EPHB1: variants seen among roughly 807,000 people sequenced by gnomAD.
EPHB1 encodes ephrin type-B receptor 1.
EPHB1 carries 30 observed loss-of-function variants against 94.4 expected under a neutral mutation model. That is an observed-to-expected ratio of 0.32 (90% CI 0.24 to 0.43). The LOEUF (loss-of-function observed/expected upper bound fraction) is 0.43. Among genes scored for constraint, EPHB1 ranks in the 20% least tolerant of loss-of-function variants. The pLI, the probability that EPHB1 is intolerant of heterozygous loss-of-function variation, is 1.00. For synonymous variants in EPHB1, 522 were observed against 489.1 expected (o/e 1.07, Z -0.89); for missense variants, 1,055 against 1,308.3 (o/e 0.81, Z 2.99).
intron 13 of EPHB1, among the ~76,000 whole-genome samples, chr3:135,243,859 G>A (rs1943853083): frequency 6.6e-6 from 1 of 152,162 alleles, no homozygotes; most frequent in Non-Finnish European, 1.5e-5. Flanking sequence ...CAGAGATAAT[G>A]AGAGTGGCAG....
intron 15 of EPHB1, among the ~76,000 whole-genome samples, chr3:135,254,702 C>T (rs905484114): frequency 6.6e-5 from 10 of 151,992 alleles, no homozygotes; most frequent in African/African-American, 2.4e-4. Flanking sequence ...CTCTGCCTGG[C>T]TTTGGTATCA....
rs115242082 is a variant in EPHB1 at position 134,812,163 on chromosome 3, G to A, written c.58+16474G>A. Among the ~76,000 whole-genome samples, 371 of 152,314 alleles carry A rather than the reference G, an allele frequency of 2.4e-3. 1 individual carries two copies. Among genetic ancestry groups the A allele is most frequent in the African/African-American group, 8.1e-3 (338 of 41,564 alleles). ...TTGAAGCATAATTTACATATAATAGGTTTTAGATGTACAATTCCGTGAGGT... is the reference window on the plus strand; with the variant it reads ...TTGAAGCATAATTTACATATAATAGATTTTAGATGTACAATTCCGTGAGGT... On this transcript the variant is annotated intron_variant, in intron 1 of 15. Transcript: ENST00000398015.
intron 9 of EPHB1, among the ~76,000 whole-genome samples, chr3:135,173,965 T>G (rs146482896): frequency 2.0e-5 from 3 of 152,354 alleles, no homozygotes; most frequent in African/African-American, 7.2e-5. Context: ...ATCTGACTGC[T>G]CATCAACTGC....
intron 12 of EPHB1, among the ~76,000 whole-genome samples, chr3:135,239,413 T>C (rs1943728240): frequency 6.6e-6 from 1 of 152,168 alleles, no homozygotes; most frequent in Non-Finnish European, 1.5e-5. Context: ...ATATCCTCTT[T>C]CAGTGGAGGC....
chr3:135,065,684 A>C (rs1184957968), intron 3 of EPHB1, among the ~76,000 whole-genome samples: 1 of 152,204 alleles, frequency 6.6e-6, no homozygotes, highest in Non-Finnish European at 1.5e-5. Context: ...GACCATTTAC[A>C]TTCAATGTTA....
chr3:134,822,430 C>T (rs986986709), intron 1 of EPHB1, among the ~76,000 whole-genome samples: 7 of 152,174 alleles, frequency 4.6e-5, no homozygotes, highest in African/African-American at 1.7e-4. Flanking sequence ...ATGTGGTATG[C>T]CGGGTGATGG....
chr3:135,039,454 G>A (rs891321384), intron 3 of EPHB1, among the ~76,000 whole-genome samples: 1 of 152,230 alleles, frequency 6.6e-6, no homozygotes, highest in Non-Finnish European at 1.5e-5. Context: ...GTGGTCGATG[G>A]GACTGGGCGC....
At chr3:134,932,923 G>C (rs544423354) in intron 2 of EPHB1, among the ~76,000 whole-genome samples, 1 of 152,200 alleles carries the variant, frequency 6.6e-6, no homozygotes, top group South Asian at 2.1e-4. Context: ...TTCTCAGACA[G>C]GCACCACTGA....
At chr3:135,105,267 T>C (rs1036166606) in intron 3 of EPHB1, among the ~76,000 whole-genome samples, 1 of 152,244 alleles carries the variant, frequency 6.6e-6, no homozygotes, top group Non-Finnish European at 1.5e-5. Context: ...GATCAAGAGC[T>C]CCTTGAAGGC....
At position 135,216,726 on chromosome 3, in the gene EPHB1, G is replaced by GAAA. The variant is rs386397987; in HGVS notation, c.2346+15057_2346+15059dup. 1.6e-4 allele frequency among the ~76,000 whole-genome samples: 17 copies of GAAA among 104,986 alleles called. 1 individual carries two copies. The highest frequency in any genetic ancestry group is 2.3e-4 in the Admixed American group (2 of 8,618). The allele number at this position is 104,986 out of a possible 152,430, so 68.9% of individuals were successfully genotyped here. ...CCACAGAGTGACACTCTGTCTCAGG[G>GAAA]AAAAAAAAAAAAAAAAAAAAAATCA... On this transcript the variant is annotated intron_variant, in intron 12 of 15. Transcript: ENST00000398015.
At chr3:135,078,125 G>A (rs1381734157) in intron 3 of EPHB1, among the ~76,000 whole-genome samples, 2 of 152,166 alleles carry the variant, frequency 1.3e-5, no homozygotes, top group Non-Finnish European at 2.9e-5. Flanking sequence ...ATTCCCCCAG[G>A]TTCCTGCTCA....
intron 1 of EPHB1, among the ~76,000 whole-genome samples, chr3:134,811,039 A>G (rs1234609093): frequency 6.6e-6 from 1 of 151,778 alleles, no homozygotes; most frequent in Non-Finnish European, 1.5e-5. Flanking sequence ...CCCCTTTCCC[A>G]CATTCCCAGC....
At chr3:135,249,608 T>C in intron 15 of EPHB1, 117 bp downstream of exon 15, 1 of 1,259,628 alleles carries the variant, frequency 7.9e-7, no homozygotes, top group Non-Finnish European at 1.1e-6. Flanking sequence ...CGTCTCTGTA[T>C]AGACCAGGCC....
chr3:135,157,713 A>G (rs1941395737), intron 6 of EPHB1, among the ~76,000 whole-genome samples: 1 of 152,240 alleles, frequency 6.6e-6, no homozygotes, highest in South Asian at 2.1e-4. Flanking sequence ...AGTCCATTAC[A>G]TTGCTTTGAC....
At chr3:135,133,127 C>A in intron 5 of EPHB1, 78 bp downstream of exon 5, 1 of 1,371,886 alleles carries the variant, frequency 7.3e-7, no homozygotes, top group Non-Finnish European at 9.9e-7. Flanking sequence ...CAGCTGCAGC[C>A]ACACCCATCC....
intron 2 of EPHB1, among the ~76,000 whole-genome samples, chr3:134,945,199 TC>T (rs2039194133): frequency 6.6e-6 from 1 of 152,154 alleles, no homozygotes; most frequent in Non-Finnish European, 1.5e-5. Flanking sequence ...TTTTCTTTTT[TC>T]CTCCCTTTTA....
At position 134,985,582 on chromosome 3, in the gene EPHB1, C is replaced by T. The variant is rs116531215; in HGVS notation, c.805+33530C>T. Among the ~76,000 whole-genome samples the T allele has an allele frequency of 5.5e-3, 835 of 152,342 alleles. 7 individuals carry two copies. Among genetic ancestry groups the T allele is most frequent in the African/African-American group, 0.019 (791 of 41,582 alleles). ...AGCAAGAAGGACGTTTCTGTATCTACTCTACCACTGGCTACTTGTGCCTCA... is the reference window on the plus strand; with the variant it reads ...AGCAAGAAGGACGTTTCTGTATCTATTCTACCACTGGCTACTTGTGCCTCA... On this transcript the variant is annotated intron_variant, in intron 3 of 15. Coordinates refer to ENST00000398015, the MANE Select transcript of EPHB1 (RefSeq NM_004441.5).
At chr3:134,824,395 G>A (rs2036438814) in intron 1 of EPHB1, among the ~76,000 whole-genome samples, 2 of 152,254 alleles carry the variant, frequency 1.3e-5, no homozygotes, top group South Asian at 2.1e-4. Context: ...CTAGGTCTGG[G>A]TTCCTAGGGT....
chr3:135,184,749 C>T (rs926129933), intron 10 of EPHB1, among the ~76,000 whole-genome samples: 11 of 152,216 alleles, frequency 7.2e-5, no homozygotes, highest in African/African-American at 2.7e-4. Flanking sequence ...TCTTCCTCTT[C>T]TCACTGTAGA....
Sources: allele counts gnomAD v4.1 joint callset (sites outside exome capture counted in the v4.1 genomes callset), GRCh38; gene constraint gnomAD v4.1.1; transcripts MANE v1.5; gene names NCBI Gene and HGNC (gene_info 2026-07-23, HGNC 2026-07-21).